Variants in ADGRL2 observed in about 807,000 individuals in gnomAD.
ADGRL2 encodes calcium-independent alpha-latrotoxin receptor 2.
A neutral mutation model predicts 157.4 loss-of-function variants in ADGRL2; 44 were observed. The observed-to-expected ratio is 0.28, with a 90% CI of 0.22 to 0.36. The LOEUF (loss-of-function observed/expected upper bound fraction) is 0.36, where lower values mean the gene tolerates loss of function less well. ADGRL2 is among the 10% of genes least tolerant of loss of function. The probability of loss-of-function intolerance (pLI) is 1.00; values close to 1 mark genes in which losing one functional copy is unlikely to be tolerated. For missense variants in ADGRL2, 1,510 were observed against 1,768.9 expected (o/e 0.85, Z 2.63); for synonymous variants, 585 against 624.7 (o/e 0.94, Z 0.95).
At chr1:81,310,927 C>T (rs548646731) in intron 1 of ADGRL2, among the ~76,000 whole-genome samples, 42 of 151,422 alleles carry the variant, frequency 2.8e-4, no homozygotes, top group African/African-American at 9.9e-4. Context: ...TAGAAACATT[C>T]AATGGAGTTA....
At chr1:81,728,857 G>A (rs1021135511) in intron 1 of ADGRL2, among the ~76,000 whole-genome samples, 3 of 152,170 alleles carry the variant, frequency 2.0e-5, no homozygotes, top group Admixed American at 6.5e-5. Flanking sequence ...CTCCAGTTCC[G>A]AATAAGAGAA....
At chr1:81,872,937 A>T (rs1241247430) in intron 2 of ADGRL2, among the ~76,000 whole-genome samples, 1 of 152,084 alleles carries the variant, frequency 6.6e-6, no homozygotes, top group Admixed American at 6.6e-5. Context: ...TTACTGGCTT[A>T]TTTTTTTCAG....
chr1:81,368,787 A>G (rs892539144), intron 1 of ADGRL2, among the ~76,000 whole-genome samples: 3 of 152,148 alleles, frequency 2.0e-5, no homozygotes, highest in Admixed American at 6.6e-5. Flanking sequence ...ACACTTCCCC[A>G]TCACACCATT....
intron 2 of ADGRL2, among the ~76,000 whole-genome samples, chr1:81,532,575 T>C (rs2079626287): frequency 6.8e-6 from 1 of 147,102 alleles, no homozygotes; most frequent in African/African-American, 2.5e-5. Flanking sequence ...AATTTAGTGG[T>C]CATTTTTTTA....
chr1:81,525,554 G>A (rs1327629175), intron 2 of ADGRL2, among the ~76,000 whole-genome samples: 1 of 152,212 alleles, frequency 6.6e-6, no homozygotes, highest in African/African-American at 2.4e-5. Context: ...CTGACCTCAA[G>A]TGATCTGCCC....
In ADGRL2 at chr1:81,441,412, G is replaced by A. The variant is rs115371550; in HGVS notation, c.-301-3624G>A. Among the ~76,000 whole-genome samples the A allele has an allele frequency of 4.3e-3, 660 of 152,236 alleles. 4 individuals are homozygous for A. The highest frequency in any genetic ancestry group is 0.015 in the African/African-American group (636 of 41,544). ...CAGTGTTCCTAATCAATTACCTAATGTCTAATATCCCCATCCCAGAATACA... is the reference window on the plus strand; with the variant it reads ...CAGTGTTCCTAATCAATTACCTAATATCTAATATCCCCATCCCAGAATACA... On this transcript the variant is annotated intron_variant, in intron 1 of 24. Coordinates refer to the ADGRL2 transcript ENST00000370721.
rs1040253104 is a variant in ADGRL2 at position 81,971,869 on chromosome 1, A to G, written c.2972A>G (p.Asp991Gly). Reference sequence around the variant, plus strand: ...CATAATAGTTGCTGGCTTCATGTTGATAACTACTTTATATGGAGCTTCATT... The same window carrying G: ...CATAATAGTTGCTGGCTTCATGTTGGTAACTACTTTATATGGAGCTTCATT... ...GTEKACWLHV[D>G]NYFIWSFIGP... Residue 991 changes from aspartate to glycine, a missense_variant, in exon 17 of 24, where the codon GAT becomes GGT. Physicochemically the swap from Asp to Gly is moderately conservative, Grantham distance 94. Transcript: ENST00000686636. 2 of 1,609,274 alleles carry G rather than the reference A, an allele frequency of 1.2e-6. No individual in the cohort carries two copies. Among genetic ancestry groups the G allele is most frequent in the Non-Finnish European group, 1.7e-6 (2 of 1,176,604 alleles).
chr1:81,625,712 C>T (rs1437266731), intron 3 of ADGRL2: 4 of 152,142 alleles, frequency 2.6e-5, no homozygotes, highest in East Asian at 1.9e-4. Context: ...TTTGCCTTTT[C>T]TTTACATTAC....
intron 2 of ADGRL2, among the ~76,000 whole-genome samples, chr1:81,860,238 A>AAAACC (rs2093347297): frequency 1.3e-5 from 2 of 152,190 alleles, no homozygotes; most frequent in African/African-American, 4.8e-5. Context: ...AAAACAAAAC[A>AAAACC]AAACAAAAAA....
intron 1 of ADGRL2, among the ~76,000 whole-genome samples, chr1:81,391,903 C>T (rs2076566236): frequency 6.6e-6 from 1 of 152,118 alleles, no homozygotes; most frequent in African/African-American, 2.4e-5. Flanking sequence ...TTTATTAAAT[C>T]CTTACCATTA....
chr1:81,566,691 G>A (rs569087161), intron 2 of ADGRL2, among the ~76,000 whole-genome samples: 11 of 152,198 alleles, frequency 7.2e-5, no homozygotes, highest in African/African-American at 2.4e-4. Context: ...ATGCCTTACA[G>A]GAAAGCCTAA....
At chr1:81,309,075 A>G (rs1659550556) in intron 1 of ADGRL2, among the ~76,000 whole-genome samples, 1 of 152,148 alleles carries the variant, frequency 6.6e-6, no homozygotes, top group African/African-American at 2.4e-5. Context: ...AGGTGTTAAT[A>G]AGTTTTATCT....
At chr1:81,368,343 G>C (rs532570330) in intron 1 of ADGRL2, among the ~76,000 whole-genome samples, 1 of 152,238 alleles carries the variant, frequency 6.6e-6, no homozygotes, top group East Asian at 1.9e-4. Context: ...AGAAGTGTCT[G>C]TTCATGTACC....
rs1557979528 is a variant in ADGRL2 at position 81,950,121 on chromosome 1, A to ATGCACACATTCCG, written c.1211-66_1211-65insCACACATTCCGTG. 317 of 1,315,480 alleles carry ATGCACACATTCCG rather than the reference A, an allele frequency of 2.4e-4. No individual in the cohort carries two copies. The African/African-American group carries it at 4.2e-3, about 18-fold the overall frequency. The allele number at this position is 1,315,480 out of a possible 1,614,324, so 81.5% of individuals were successfully genotyped here. On this transcript the variant is annotated intron_variant, in intron 6 of 23. Coordinates refer to ENST00000686636, the MANE Select transcript of ADGRL2 (RefSeq NM_001366006.2). ...GTGTGTGTGTGCATGCACACATTCC[A>ATGCACACATTCCG]TGTGTGCATGACTGTATGTGAGTGC...
intron 1 of ADGRL2, among the ~76,000 whole-genome samples, chr1:81,433,024 G>A (rs1294990162): frequency 4.6e-5 from 7 of 152,050 alleles, no homozygotes; most frequent in African/African-American, 1.7e-4. Flanking sequence ...GCTAAGGAAG[G>A]AACATCTGGC....
At chr1:81,365,295 G>T (rs979648929) in intron 1 of ADGRL2, among the ~76,000 whole-genome samples, 1 of 152,196 alleles carries the variant, frequency 6.6e-6, no homozygotes, top group Non-Finnish European at 1.5e-5. Context: ...AGAAACCAAA[G>T]CGAACACTAT....
At chr1:81,660,657 G>A (rs1423494680) in intron 3 of ADGRL2, among the ~76,000 whole-genome samples, 2 of 151,950 alleles carry the variant, frequency 1.3e-5, no homozygotes, top group African/African-American at 2.4e-5. Flanking sequence ...CTTTTTCAAA[G>A]GGGACCTTTG....
At position 81,582,308 on chromosome 1, in the gene ADGRL2, T is replaced by A. The variant is rs1361710147; in HGVS notation, c.-143+1328T>A. On this transcript the variant is annotated intron_variant, in intron 3 of 24. Transcript: ENST00000370721. ...ATTAGCAGTAAATTATTCTTTGGTG[T>A]TTTTGGAGTTAATATTTTCTAAAAT... Among the ~76,000 whole-genome samples, 3 of 152,148 alleles carry A rather than the reference T, an allele frequency of 2.0e-5. No homozygotes were observed. In the East Asian group the frequency reaches 5.8e-4, roughly 29 times the overall value.
chr1:81,471,826 C>T (rs554138248), intron 2 of ADGRL2, among the ~76,000 whole-genome samples: 6 of 152,278 alleles, frequency 3.9e-5, no homozygotes, highest in East Asian at 1.9e-4. Context: ...CTTACCTTCT[C>T]ATAGTTATGA....
Sources: gnomAD v4.1 joint callset for allele counts (sites outside exome capture counted in the v4.1 genomes callset) on GRCh38, gnomAD v4.1.1 for gene constraint, MANE v1.5 for transcripts, NCBI Gene and HGNC (gene_info 2026-07-23, HGNC 2026-07-21) for gene names.